The following GOLPH3 variants were observed in gnomAD, a reference collection of about 807,000 sequenced individuals.
The protein encoded by GOLPH3 is golgi phosphoprotein 3.
A neutral mutation model predicts 28.5 loss-of-function variants in GOLPH3; 14 were observed. The observed-to-expected ratio is 0.49, with a 90% CI of 0.32 to 0.77. The LOEUF is 0.77. Ranked by LOEUF, GOLPH3 falls within the 30% of genes least tolerant of loss-of-function variation. The pLI is 0.03. For missense variants in GOLPH3, 350 were observed against 393.7 expected, an observed-to-expected ratio of 0.89 and a Z score of 0.94; for synonymous variants, 158 against 159.2, an observed-to-expected ratio of 0.99 and a Z score of 0.06.
At chr5:32,161,423 G>A (rs1187881279) in intron 1 of GOLPH3, among the ~76,000 whole-genome samples, 2 of 129,924 alleles carry the variant, frequency 1.5e-5, no homozygotes, top group Admixed American at 7.7e-5. Context: ...AACCAAAGCT[G>A]AGGAAAAAAA....
chr5:32,151,855 T>C (rs1156567467), intron 1 of GOLPH3, among the ~76,000 whole-genome samples: 1 of 152,164 alleles, frequency 6.6e-6, no homozygotes, highest in Non-Finnish European at 1.5e-5. Flanking sequence ...CTAAGTGAAA[T>C]TAGCCAGTCA....
chr5:32,139,722 AAC>A (rs1384367932), intron 2 of GOLPH3, among the ~76,000 whole-genome samples: 6 of 152,186 alleles, frequency 3.9e-5, no homozygotes, highest in Non-Finnish European at 5.9e-5. Context: ...CCTAAATATA[AAC>A]AGACAATCAC....
intron 3 of GOLPH3, among the ~76,000 whole-genome samples, chr5:32,128,976 C>T (rs946076804): frequency 3.9e-5 from 6 of 152,008 alleles, no homozygotes; most frequent in African/African-American, 1.5e-4. Context: ...CGCTTGTAAT[C>T]CCAGCACTTT....
rs61537752 is a variant in GOLPH3, at chr5:32,169,673, T to C, written c.225+4137A>G. On this transcript the variant is annotated intron_variant, in intron 1 of 3. Coordinates refer to ENST00000265070, the MANE Select transcript of GOLPH3 (RefSeq NM_022130.4). Reference sequence around the variant, plus strand: ...GAAAATATTCTATGGAAAGCATCTATAGAATAAACACACACAGGGAAAGGA... The same window carrying C: ...GAAAATATTCTATGGAAAGCATCTACAGAATAAACACACACAGGGAAAGGA... 3.0e-3 allele frequency among the ~76,000 whole-genome samples: 454 copies of C among 152,296 alleles called. 2 individuals are homozygous for C. The highest frequency in any genetic ancestry group is 0.011 in the African/African-American group (444 of 41,570).
chr5:32,164,871 A>C (rs904396927), intron 1 of GOLPH3, among the ~76,000 whole-genome samples: 2 of 150,172 alleles, frequency 1.3e-5, no homozygotes, highest in Non-Finnish European at 3.0e-5. Flanking sequence ...AAATAATATT[A>C]GCTTACTTAA....
intron 1 of GOLPH3, among the ~76,000 whole-genome samples, chr5:32,160,428 G>A (rs1195604578): frequency 6.6e-6 from 1 of 152,128 alleles, no homozygotes; most frequent in African/African-American, 2.4e-5. Context: ...TCTACTGAGT[G>A]CCAAGACATT....
intron 1 of GOLPH3, among the ~76,000 whole-genome samples, chr5:32,154,126 C>T (rs1332707575): frequency 6.6e-6 from 1 of 152,022 alleles, no homozygotes; most frequent in Non-Finnish European, 1.5e-5. Flanking sequence ...GAATGAAACA[C>T]AATGAATATA....
intron 1 of GOLPH3, among the ~76,000 whole-genome samples, chr5:32,165,031 C>G (rs1290878011): frequency 2.6e-5 from 4 of 151,280 alleles, no homozygotes; most frequent in African/African-American, 7.3e-5. Flanking sequence ...TCCCGAGTAG[C>G]TGGGATTTCA....
chr5:32,149,504 T>G (rs1746256884), intron 1 of GOLPH3, among the ~76,000 whole-genome samples: 1 of 152,184 alleles, frequency 6.6e-6, no homozygotes, highest in Non-Finnish European at 1.5e-5. Flanking sequence ...GGCATATGAA[T>G]CATATCTCAG....
Position 32,133,651 on chromosome 5 carries a change from G to A in GOLPH3, c.472+1921C>T, listed in dbSNP as rs1031544523. ...TATAGAGTTGACATTAATGCCCTGAGTCTCTGTTAGATGGCTGCATGTCAC... is the reference window on the plus strand; with the variant it reads ...TATAGAGTTGACATTAATGCCCTGAATCTCTGTTAGATGGCTGCATGTCAC... On this transcript the variant is annotated intron_variant, in intron 3 of 3. Coordinates refer to ENST00000265070, the MANE Select transcript of GOLPH3 (RefSeq NM_022130.4). Among the ~76,000 whole-genome samples, 6 of 152,334 alleles carry A rather than the reference G, an allele frequency of 3.9e-5. No individual in the cohort carries two copies. The South Asian group carries it at 1.2e-3, about 32-fold the overall frequency.
intron 3 of GOLPH3, among the ~76,000 whole-genome samples, chr5:32,127,830 A>G (rs1016398055): frequency 7.2e-5 from 11 of 152,182 alleles, no homozygotes; most frequent in African/African-American, 2.7e-4. Flanking sequence ...AAAATATACG[A>G]AAAAACTGTT....
At position 32,142,472 on chromosome 5, in the gene GOLPH3, TG is replaced by T. The variant is rs1267482879; in HGVS notation, c.357+1276del. On this transcript the variant is annotated intron_variant, in intron 2 of 3. Transcript: ENST00000265070. Reference sequence around the variant, plus strand: ...GCAGCCACCTCGTCCGGGAGGGAGGTGGGGGGGTCAGCCCCCCACCCAGCCA... The same window carrying T: ...GCAGCCACCTCGTCCGGGAGGGAGGTGGGGGGTCAGCCCCCCACCCAGCCA... 5.9e-5 allele frequency among the ~76,000 whole-genome samples: 8 copies of T among 135,616 alleles called. No homozygotes were observed. In the South Asian group the frequency reaches 9.8e-4, roughly 17 times the overall value. 89.0% of individuals were successfully genotyped at this position (135,616 alleles called of 152,430 possible). A position where few individuals can be genotyped will look rare whatever the true frequency, so the allele number is the denominator to read the frequency against.
At chr5:32,168,092 C>A (rs1014016053) in intron 1 of GOLPH3, among the ~76,000 whole-genome samples, 2 of 152,088 alleles carry the variant, frequency 1.3e-5, no homozygotes, top group Admixed American at 1.3e-4. Flanking sequence ...AAGGAAATAT[C>A]ATTTGTCTTA....
At chr5:32,135,721 G>C (rs746530888) in intron 2 of GOLPH3, 35 bp from the exon 3 acceptor site, 1 of 1,262,658 alleles carries the variant, frequency 7.9e-7, no homozygotes, top group Non-Finnish European at 1.2e-6. Flanking sequence ...AAGGATCCAC[G>C]AATGCCTTTT....
chr5:32,173,528 T>C (rs1746895147), intron 1 of GOLPH3, among the ~76,000 whole-genome samples: 3 of 151,810 alleles, frequency 2.0e-5, no homozygotes, highest in African/African-American at 7.3e-5. Flanking sequence ...GACGAAGAAA[T>C]ACAAACTGCC....
chr5:32,126,886 G>A (rs1745694503), intron 3 of GOLPH3, among the ~76,000 whole-genome samples: 1 of 152,170 alleles, frequency 6.6e-6, no homozygotes, highest in South Asian at 2.1e-4. Context: ...TCAGACCAGA[G>A]TCAGTAACCC....
rs148089312 is a variant in GOLPH3 at position 32,170,385 on chromosome 5, T to G, written c.225+3425A>C. Among the ~76,000 whole-genome samples the G allele has an allele frequency of 9.3e-4, 142 of 152,328 alleles. 1 individual carries two copies. The highest frequency in any genetic ancestry group is 3.4e-3 in the Middle Eastern group (1 of 294). On this transcript the variant is annotated intron_variant, in intron 1 of 3. Transcript: ENST00000265070. ...AGTATATTCACATAAGGTTATTAGC[T>G]CACATATATAAAATATTTCCAACAT...
At chr5:32,142,719 T>C (rs1314293877) in intron 2 of GOLPH3, among the ~76,000 whole-genome samples, 11 of 107,564 alleles carry the variant, frequency 1.0e-4, no homozygotes, top group East Asian at 6.1e-4. Flanking sequence ...GCCCCCCGCC[T>C]GGCCAGCCGC....
At chr5:32,153,265 T>C (rs551174273) in intron 1 of GOLPH3, among the ~76,000 whole-genome samples, 2 of 152,272 alleles carry the variant, frequency 1.3e-5, no homozygotes, top group African/African-American at 2.4e-5. Flanking sequence ...AGCAATGATA[T>C]GAATATACGT....
Sources: allele counts gnomAD v4.1 joint callset (sites outside exome capture counted in the v4.1 genomes callset), GRCh38; gene constraint gnomAD v4.1.1; transcripts MANE v1.5; gene names NCBI Gene and HGNC (gene_info 2026-07-23, HGNC 2026-07-21).